OVCH1: variants seen among roughly 807,000 people sequenced by gnomAD.
OVCH1 encodes ovochymase-1.
A neutral mutation model predicts 138.4 loss-of-function variants in OVCH1; 139 were observed. The ratio of observed to expected loss-of-function variants is 1.00; its 90% confidence interval spans 0.87 to 1.16. OVCH1 has a LOEUF of 1.16. Ranked by LOEUF, OVCH1 falls within the 50% of genes most tolerant of loss-of-function variation. The pLI, the probability that OVCH1 is intolerant of heterozygous loss-of-function variation, is 0.00. For synonymous variants in OVCH1, 453 were observed against 467.8 expected (o/e 0.97, Z 0.41); for missense variants, 1,367 against 1,357.9 (o/e 1.01, Z -0.11).
At chr12:29,442,355 A>C (rs1414030335) in intron 25 of OVCH1, among the ~76,000 whole-genome samples, 1 of 146,046 alleles carries the variant, frequency 6.8e-6, no homozygotes, top group Non-Finnish European at 1.5e-5. Context: ...CATCATTCTC[A>C]GTAAACTATC....
At chr12:29,442,975 C>G in intron 25 of OVCH1, among the ~76,000 whole-genome samples, 1 of 151,908 alleles carries the variant, frequency 6.6e-6, no homozygotes, top group South Asian at 2.1e-4. Context: ...TTAAAGTAAC[C>G]AGGCTTCTAA....
chr12:29,444,098 A>T (rs765559066), intron 24 of OVCH1, 47 bp downstream of exon 24: 2 of 1,540,536 alleles, frequency 1.3e-6, no homozygotes, highest in Non-Finnish European at 1.7e-6. Flanking sequence ...CAGTCAAGCA[A>T]TTTTTTCCAC....
rs7965758 is a variant in OVCH1 at position 29,432,810 on chromosome 12, G to T, written c.3327+941C>A. 3.2e-3 allele frequency among the ~76,000 whole-genome samples: 490 copies of T among 152,268 alleles called. 1 individual carries two copies. The highest frequency in any genetic ancestry group is 0.011 in the African/African-American group (474 of 41,566). On this transcript the variant is annotated intron_variant, in intron 27 of 27. Coordinates refer to ENST00000318184, the Ensembl canonical transcript of OVCH1. ...AAAAACCAGCCAAGACTCTGAAGGA[G>T]ACCAGTGAGCTCTCCTTTTTTGGAG...
intron 15 of OVCH1, among the ~76,000 whole-genome samples, chr12:29,472,812 T>C (rs1478671647): frequency 1.3e-5 from 2 of 152,216 alleles, no homozygotes; most frequent in Non-Finnish European, 2.9e-5. Flanking sequence ...CTTTATACCC[T>C]TTTCTTCCTA....
At chr12:29,490,398 A>T (rs1943242903) in intron 5 of OVCH1, among the ~76,000 whole-genome samples, 1 of 152,186 alleles carries the variant, frequency 6.6e-6, no homozygotes, top group Non-Finnish European at 1.5e-5. Flanking sequence ...TTTATAAAAT[A>T]AAAAATCACA....
intron 27 of OVCH1, among the ~76,000 whole-genome samples, chr12:29,432,787 A>G (rs1345031595): frequency 6.6e-6 from 1 of 152,150 alleles, no homozygotes; most frequent in African/African-American, 2.4e-5. Flanking sequence ...AAATGAGGAA[A>G]AACCAGCCAA....
At chr12:29,492,952 T>C (rs1943311631) in intron 4 of OVCH1, among the ~76,000 whole-genome samples, 1 of 152,152 alleles carries the variant, frequency 6.6e-6, no homozygotes, top group Non-Finnish European at 1.5e-5. Flanking sequence ...TAAAAACTCT[T>C]ACCCAGAAAG....
chr12:29,429,245 A>G (rs1941229283), intron 27 of OVCH1, among the ~76,000 whole-genome samples: 1 of 152,252 alleles, frequency 6.6e-6, no homozygotes, highest in South Asian at 2.1e-4. Context: ...CCTTTAAAAC[A>G]TATGGCATCT....
At chr12:29,450,919 G>A (rs531939315) in intron 22 of OVCH1, among the ~76,000 whole-genome samples, 2 of 142,966 alleles carry the variant, frequency 1.4e-5, no homozygotes, top group African/African-American at 2.6e-5. Context: ...CACAAGAACA[G>A]AAAACCAAAC....
chr12:29,410,783 T>C (rs1592018193), downstream of OVCH1, among the ~76,000 whole-genome samples: 3 of 151,668 alleles, frequency 2.0e-5, no homozygotes, highest in East Asian at 5.8e-4. Context: ...CTGACAATTA[T>C]GTTTCTTGGA....
At chr12:29,476,046 G>A (rs1942698079) in intron 13 of OVCH1, among the ~76,000 whole-genome samples, 160 bp downstream of exon 13, 1 of 152,100 alleles carries the variant, frequency 6.6e-6, no homozygotes, top group Non-Finnish European at 1.5e-5. Context: ...TTAGTTGCTG[G>A]CTCATAGGTT....
chr12:29,431,700 C>G (rs1435960986), intron 27 of OVCH1, among the ~76,000 whole-genome samples: 1 of 152,048 alleles, frequency 6.6e-6, no homozygotes, highest in Non-Finnish European at 1.5e-5. Flanking sequence ...ATCTTAAGAA[C>G]ACAAAATGAG....
In OVCH1 at chr12:29,473,023, A is replaced by G; in HGVS notation, c.1675+6T>C. ...AACAGATAGTAATAACATGTCACCA[A>G]CTCACCATGCAGAATAGCTTTTACG... On this transcript the variant is annotated splice_donor_region_variant and intron_variant, in intron 15 of 27. Transcript: ENST00000318184. The G allele has an allele frequency of 6.2e-7, 1 of 1,604,038 alleles. No individual in the cohort carries two copies. The highest frequency in any genetic ancestry group is 8.5e-7 in the Non-Finnish European group (1 of 1,172,824).
chr12:29,476,782 CACACACACACACACACACACACACAG>C (rs970330563), intron 12 of OVCH1, among the ~76,000 whole-genome samples: 6 of 132,600 alleles, frequency 4.5e-5, no homozygotes, highest in Non-Finnish European at 6.7e-5. Context: ...CACACACACA[CACACACACACACACACACACACACAG>C]GTTAGTAAAT....
chr12:29,496,482 C>T, intron 2 of OVCH1, 74 bp downstream of exon 2: 8 of 1,360,244 alleles, frequency 5.9e-6, no homozygotes, highest in Non-Finnish European at 8.2e-6. Context: ...TATCAACGTG[C>T]ATTCTTGCTT....
chr12:29,484,337 C>T (rs941831908), intron 8 of OVCH1, among the ~76,000 whole-genome samples: 16 of 152,130 alleles, frequency 1.1e-4, no homozygotes, highest in South Asian at 2.1e-4. Context: ...CATTACCAGA[C>T]GCTGTTAGTA....
At position 29,461,942 on chromosome 12, in the gene OVCH1, T is replaced by TG; in HGVS notation, c.2191dup (p.His731ProfsTer40). 1 of 1,613,866 alleles carries TG rather than the reference T, an allele frequency of 6.2e-7. No homozygotes were observed. The highest frequency in any genetic ancestry group is 8.5e-7 in the Non-Finnish European group (1 of 1,179,750). On this transcript the variant is annotated frameshift_variant, in exon 19 of 28. Coordinates refer to ENST00000318184, the Ensembl canonical transcript of OVCH1. LOFTEE classifies it high-confidence loss of function. ...TCCTGGATGGGCAGAATAGTAAGTG[T>TG]GTTCACAGACCTCTCTTTCTAACAC...
chr12:29,409,427 T>C (rs1565558129), downstream of OVCH1, among the ~76,000 whole-genome samples: 1 of 152,126 alleles, frequency 6.6e-6, no homozygotes, highest in African/African-American at 2.4e-5. Flanking sequence ...TCTTTCCTGC[T>C]TTCTCTTGTG....
chr12:29,470,485 T>C lies in OVCH1; in HGVS notation c.1856+1317A>G, dbSNP rs543338623. On this transcript the variant is annotated intron_variant, in intron 16 of 27. Coordinates refer to ENST00000318184, the Ensembl canonical transcript of OVCH1. ...CATGCATTGTTTGGTTTTCTGTTCC[T>C]GTGTTAGTTCGCTGAGAATGATGGC... Among the ~76,000 whole-genome samples the C allele has an allele frequency of 3.9e-5, 6 of 152,310 alleles. No homozygotes were observed. In the South Asian group the frequency reaches 1.0e-3, roughly 26 times the overall value.
Sources: gnomAD v4.1 joint callset for allele counts (sites outside exome capture counted in the v4.1 genomes callset) on GRCh38, gnomAD v4.1.1 for gene constraint, MANE v1.5 for transcripts, NCBI Gene and HGNC (gene_info 2026-07-23, HGNC 2026-07-21) for gene names.